Variants in PTER observed in about 807,000 individuals in gnomAD.
PTER encodes phosphotriesterase related, also known as N-acetyltaurine hydrolase.
In PTER, 38 loss-of-function variants were observed where a neutral mutation model predicts 29.6. The ratio of observed to expected loss-of-function variants is 1.28; its 90% CI spans 0.99 to 1.68. PTER has a LOEUF of 1.68. Among genes scored for constraint, PTER ranks in the 40% most tolerant of loss-of-function variants. PTER has a pLI of 0.00. For synonymous variants in PTER, 172 were observed against 154.5 expected (o/e 1.11, Z -0.84); for missense variants, 482 against 427.8 (o/e 1.13, Z -1.12).
At chr10:16,462,091 T>C (rs539248968) in intron 1 of PTER, among the ~76,000 whole-genome samples, 1 of 151,940 alleles carries the variant, frequency 6.6e-6, no homozygotes, top group East Asian at 1.9e-4. Context: ...GTTCAAGCAA[T>C]TCTCCTGCCT....
At chr10:16,506,929 C>T (rs1379576468) in intron 4 of PTER, among the ~76,000 whole-genome samples, 3 of 151,768 alleles carry the variant, frequency 2.0e-5, no homozygotes, top group Admixed American at 6.6e-5. Context: ...CCAATGCACA[C>T]GATTTGGTGA....
At chr10:16,466,497 A>G (rs1345526402) in intron 1 of PTER, among the ~76,000 whole-genome samples, 1 of 152,194 alleles carries the variant, frequency 6.6e-6, no homozygotes, top group Non-Finnish European at 1.5e-5. Flanking sequence ...CTGGGATTAC[A>G]GGCATGGGCC....
At chr10:16,438,055 G>A (rs912145081) in intron 1 of PTER, among the ~76,000 whole-genome samples, 18 of 152,194 alleles carry the variant, frequency 1.2e-4, no homozygotes, top group Admixed American at 2.6e-4. Context: ...GCCCAGGCTG[G>A]AGTGCAGTGG....
chr10:16,488,135 G>T (rs1275473512), intron 3 of PTER, among the ~76,000 whole-genome samples: 2 of 152,152 alleles, frequency 1.3e-5, no homozygotes, highest in African/African-American at 4.8e-5. Context: ...AACCAGGTTG[G>T]TATCAAGATC....
rs185564894 is a variant in PTER, at chr10:16,447,741, T to A, written c.-49+10694T>A. 1.9e-3 allele frequency among the ~76,000 whole-genome samples: 288 copies of A among 152,312 alleles called. 2 individuals carry two copies. Among genetic ancestry groups the A allele is most frequent in the African/African-American group, 6.7e-3 (279 of 41,570 alleles). On this transcript the variant is annotated intron_variant, in intron 1 of 4. Coordinates refer to ENST00000535784, the MANE Select transcript of PTER (RefSeq NM_001261836.2). ...GTATTTATATATATGCCTGCATATA[T>A]TCATGCCTGCATATTGTGCAGAACC...
At chr10:16,493,302 A>G (rs948031047) in intron 3 of PTER, among the ~76,000 whole-genome samples, 2 of 152,242 alleles carry the variant, frequency 1.3e-5, no homozygotes, top group Non-Finnish European at 2.9e-5. Context: ...TGAGCAAAAC[A>G]TCGTGATATC....
intron 1 of PTER, among the ~76,000 whole-genome samples, chr10:16,466,845 A>T (rs1441582350): frequency 6.6e-6 from 1 of 152,266 alleles, no homozygotes; most frequent in Non-Finnish European, 1.5e-5. Context: ...TTTAAAAATT[A>T]AACGGCCTTA....
At chr10:16,440,597 C>T (rs1014326316) in intron 1 of PTER, among the ~76,000 whole-genome samples, 2 of 152,152 alleles carry the variant, frequency 1.3e-5, no homozygotes, top group African/African-American at 4.8e-5. Context: ...GTCCACGTGA[C>T]TTGTTTGGCT....
intron 1 of PTER, among the ~76,000 whole-genome samples, chr10:16,452,216 C>CACACACACACACAT (rs1225942859): frequency 6.6e-6 from 1 of 151,498 alleles, no homozygotes; most frequent in African/African-American, 2.4e-5. Flanking sequence ...CACACACACA[C>CACACACACACACAT]ACACATATAT....
chr10:16,491,571 C>T (rs1376912581), intron 3 of PTER, among the ~76,000 whole-genome samples: 1 of 152,156 alleles, frequency 6.6e-6, no homozygotes, highest in African/African-American at 2.4e-5. Flanking sequence ...ACGAAACAGA[C>T]CTGCATCCCC....
chr10:16,471,809 A>G (rs1055524479), intron 1 of PTER, among the ~76,000 whole-genome samples: 1 of 152,258 alleles, frequency 6.6e-6, no homozygotes, highest in African/African-American at 2.4e-5. Context: ...TGCCATCTAT[A>G]TAATGCCATA....
chr10:16,457,282 G>A (rs946264376), intron 1 of PTER, among the ~76,000 whole-genome samples: 15 of 151,824 alleles, frequency 9.9e-5, no homozygotes, highest in Non-Finnish European at 2.1e-4. Context: ...GCGCGATCTC[G>A]GCTCACTGCA....
At chr10:16,497,810 A>C (rs1235060521) in intron 3 of PTER, among the ~76,000 whole-genome samples, 6 of 152,224 alleles carry the variant, frequency 3.9e-5, no homozygotes, top group African/African-American at 1.4e-4. Flanking sequence ...CTAGAATATA[A>C]AAGGGGGTTG....
rs774075426 is a variant in PTER, at chr10:16,484,601, T to C, written c.217T>C (p.Leu73=). 1 of 1,614,114 alleles carries C rather than the reference T, an allele frequency of 6.2e-7. No individual in the cohort carries two copies. The highest frequency in any genetic ancestry group is 1.1e-5 in the South Asian group (1 of 91,070). ...CTATTCCCATAAAGAAAACCTTCAA[T>C]TAAATCAGGAGACAGAAGCCATAAA... ...NAYSHKENLQ[L]NQETEAIKEE... The change falls in exon 2 of 5, where the codon TTA becomes CTA. Residue 73 remains leucine, a synonymous_variant. Coordinates refer to ENST00000535784, the MANE Select transcript of PTER (RefSeq NM_001261836.2).
downstream of PTER, among the ~76,000 whole-genome samples, chr10:16,517,283 A>T (rs1836966148): frequency 1.3e-5 from 2 of 152,212 alleles, no homozygotes; most frequent in Admixed American, 6.5e-5. Flanking sequence ...CCCTAAAAAG[A>T]TTATGAATTT....
intron 1 of PTER, among the ~76,000 whole-genome samples, chr10:16,460,587 A>T (rs1435004393): frequency 6.6e-6 from 1 of 152,220 alleles, no homozygotes; most frequent in Non-Finnish European, 1.5e-5. Context: ...CATTAATCTC[A>T]ATTTAAAACC....
chr10:16,473,503 G>C (rs1386576035), intron 1 of PTER, among the ~76,000 whole-genome samples: 2 of 111,514 alleles, frequency 1.8e-5, no homozygotes, highest in Non-Finnish European at 3.4e-5. Context: ...CTGGGTGATA[G>C]AGTGAGACTC....
chr10:16,486,305 A>T, intron 2 of PTER, 47 bp from the exon 3 acceptor site: 1 of 1,522,040 alleles, frequency 6.6e-7, no homozygotes, highest in East Asian at 2.3e-5. Flanking sequence ...ATCTATTTTG[A>T]TAAATTTCAC....
chr10:16,465,185 CTTTGTATCGTA>C (rs1333669765), intron 1 of PTER, among the ~76,000 whole-genome samples: 1 of 152,100 alleles, frequency 6.6e-6, no homozygotes, highest in African/African-American at 2.4e-5. Context: ...CTGCACTCTG[CTTTGTATCGTA>C]AGTATCCTAT....
Sources: allele counts gnomAD v4.1 joint callset (sites outside exome capture counted in the v4.1 genomes callset), GRCh38; gene constraint gnomAD v4.1.1; transcripts MANE v1.5; gene names NCBI Gene and HGNC (gene_info 2026-07-23, HGNC 2026-07-21).